The following ANKRD29 variants were observed in gnomAD, a reference collection of about 807,000 sequenced individuals.
ANKRD29 encodes ankyrin repeat domain-containing protein 29.
In ANKRD29, 32 loss-of-function variants were observed where a neutral mutation model predicts 38.0. The observed-to-expected ratio is 0.84, with a 90% CI of 0.64 to 1.13. ANKRD29 has a LOEUF of 1.13. ANKRD29 is among the 50% of genes most tolerant of loss of function. ANKRD29 has a pLI of 0.00. For synonymous variants in ANKRD29, 135 were observed against 152.4 expected (o/e 0.89, Z 0.84); for missense variants, 357 against 377.9 (o/e 0.94, Z 0.46).
chr18:23,617,893 G>T, intron 7 of ANKRD29, 66 bp from the exon 8 acceptor site: 2 of 1,336,916 alleles, frequency 1.5e-6, no homozygotes, highest in African/African-American at 1.4e-5. Context: ...AAAGCAGTCA[G>T]TTGGGAACTG....
intron 6 of ANKRD29, among the ~76,000 whole-genome samples, chr18:23,626,971 A>G (rs193192476): frequency 4.5e-4 from 68 of 152,370 alleles, no homozygotes; most frequent in African/African-American, 1.4e-3. Context: ...GGATTTTCCA[A>G]TAATGACTCA....
At chr18:23,626,187 C>T (rs1227472254) in intron 6 of ANKRD29, among the ~76,000 whole-genome samples, 3 of 152,184 alleles carry the variant, frequency 2.0e-5, no homozygotes, top group Admixed American at 1.3e-4. Context: ...CCTGGGAGAA[C>T]GTTTAATTTC....
At chr18:23,660,400 CT>C (rs1040274833) in intron 1 of ANKRD29, among the ~76,000 whole-genome samples, 3 of 152,184 alleles carry the variant, frequency 2.0e-5, no homozygotes, top group Non-Finnish European at 4.4e-5. Context: ...CTTTATTTGT[CT>C]TTTTATTGTT....
intron 1 of ANKRD29, among the ~76,000 whole-genome samples, chr18:23,653,444 T>C (rs1178909032): frequency 1.3e-5 from 2 of 152,154 alleles, no homozygotes; most frequent in African/African-American, 4.8e-5. Flanking sequence ...AGAGATGGGT[T>C]TTCACCATAT....
At chr18:23,616,674 AAT>A (rs1260689871) in intron 8 of ANKRD29, among the ~76,000 whole-genome samples, 1 of 144,320 alleles carries the variant, frequency 6.9e-6, no homozygotes, top group Non-Finnish European at 1.5e-5. Context: ...TATATTAATA[AAT>A]ATATCTTTAC....
chr18:23,607,713 G>T (rs948635089), intron 9 of ANKRD29, among the ~76,000 whole-genome samples: 2 of 152,228 alleles, frequency 1.3e-5, no homozygotes, highest in Non-Finnish European at 1.5e-5. Flanking sequence ...AGATTGTACA[G>T]ATTGATGTGA....
At chr18:23,615,103 C>T (rs538960737) in intron 8 of ANKRD29, among the ~76,000 whole-genome samples, 44 of 152,312 alleles carry the variant, frequency 2.9e-4, no homozygotes, top group African/African-American at 1.1e-3. Context: ...CTCACAGTAA[C>T]CTTGAACTCC....
intron 9 of ANKRD29, among the ~76,000 whole-genome samples, chr18:23,611,038 G>C (rs1219505568): frequency 6.6e-6 from 1 of 152,212 alleles, no homozygotes; most frequent in Non-Finnish European, 1.5e-5. Flanking sequence ...CTATACATGT[G>C]CCAGCTTAAG....
chr18:23,625,983 T>C (rs1788758), intron 6 of ANKRD29, among the ~76,000 whole-genome samples: 83,938 of 151,958 alleles, frequency 0.55, 25,252 homozygotes, highest in Admixed American at 0.69. Flanking sequence ...GCCATGGGGA[T>C]CTTCTGGCAG....
At chr18:23,616,799 A>T (rs558917278) in intron 8 of ANKRD29, among the ~76,000 whole-genome samples, 6 of 147,406 alleles carry the variant, frequency 4.1e-5, no homozygotes, top group Middle Eastern at 3.6e-3. Flanking sequence ...TAATATAATA[A>T]AATTAATATA....
intron 1 of ANKRD29, among the ~76,000 whole-genome samples, chr18:23,651,432 A>G (rs1186503706): frequency 6.6e-6 from 1 of 152,220 alleles, no homozygotes; most frequent in East Asian, 1.9e-4. Context: ...AAGAAATGGC[A>G]AGGGAGGTTT....
rs778573114 is a variant in ANKRD29, at chr18:23,646,297, GGA to G, written c.133-12_133-11del. On this transcript the variant is annotated splice_polypyrimidine_tract_variant and intron_variant, in intron 2 of 9. Coordinates refer to ENST00000592179, the MANE Select transcript of ANKRD29 (RefSeq NM_173505.4). Reference sequence around the variant, plus strand: ...GGAGTGTGGTGCCATGCTGGATGGAGGAGAGACAGATGAAGAGTTAGGCCACT... The same window carrying G: ...GGAGTGTGGTGCCATGCTGGATGGAGGAGACAGATGAAGAGTTAGGCCACT... The G allele has an allele frequency of 1.2e-6, 2 of 1,612,408 alleles. No individual in the cohort carries two copies. The highest frequency in any genetic ancestry group is 4.5e-5 in the East Asian group (2 of 44,880).
chr18:23,654,792 C>T (rs1194548032), intron 1 of ANKRD29, among the ~76,000 whole-genome samples: 1 of 152,078 alleles, frequency 6.6e-6, no homozygotes, highest in Admixed American at 6.6e-5. Flanking sequence ...ATACACTGCT[C>T]ATCTGTACAC....
chr18:23,661,584 TGTAATCCCAGCTACTCTGGAGG>T (rs577585739), intron 1 of ANKRD29, among the ~76,000 whole-genome samples: 2 of 152,278 alleles, frequency 1.3e-5, no homozygotes, highest in East Asian at 3.9e-4. Context: ...GGCGCACGCC[TGTAATCCCAGCTACTCTGGAGG>T]GTAAGGAAGG....
chr18:23,648,841 T>G (rs1598530283), intron 2 of ANKRD29: 1 of 436,918 alleles, frequency 2.3e-6, no homozygotes, highest in Non-Finnish European at 4.0e-6. Flanking sequence ...CCCAGTGAAG[T>G]GCCTCTTTCC....
chr18:23,601,586 C>G (rs1168827025), intron 9 of ANKRD29, among the ~76,000 whole-genome samples: 1 of 152,178 alleles, frequency 6.6e-6, no homozygotes, highest in Non-Finnish European at 1.5e-5. Flanking sequence ...ATCATTGTAT[C>G]CTTATCTCCA....
intron 6 of ANKRD29, 30 bp from the exon 7 acceptor site, chr18:23,619,659 G>A: frequency 6.6e-7 from 1 of 1,524,432 alleles, no homozygotes; most frequent in Non-Finnish European, 8.7e-7. Flanking sequence ...CGGCCGCCGT[G>A]ACTGGGGCGC....
chr18:23,652,960 T>C (rs1471426604), intron 1 of ANKRD29, among the ~76,000 whole-genome samples: 1 of 152,252 alleles, frequency 6.6e-6, no homozygotes, highest in African/African-American at 2.4e-5. Context: ...TGTAAGATTA[T>C]GATACCATTT....
intron 4 of ANKRD29, among the ~76,000 whole-genome samples, chr18:23,635,566 G>A (rs1032680475): frequency 6.6e-6 from 1 of 152,280 alleles, no homozygotes. Flanking sequence ...TGAGCTAATT[G>A]TAAGTAATTC....
Sources: gnomAD v4.1 joint callset for allele counts (sites outside exome capture counted in the v4.1 genomes callset) on GRCh38, gnomAD v4.1.1 for gene constraint, MANE v1.5 for transcripts, NCBI Gene and HGNC (gene_info 2026-07-23, HGNC 2026-07-21) for gene names.